The following NRG1 variants were observed in gnomAD, a reference collection of about 807,000 sequenced individuals.
The protein encoded by NRG1 is neuregulin 1, also known as pro-neuregulin-1, membrane-bound isoform.
NRG1 carries 18 observed loss-of-function variants against 63.8 expected under a neutral mutation model. The ratio of observed to expected loss-of-function variants is 0.28; its 90% CI spans 0.19 to 0.42. The LOEUF is 0.42. NRG1 is among the 10% of genes least tolerant of loss of function. The probability of loss-of-function intolerance (pLI) is 1.00; values close to 1 mark genes in which losing one functional copy is unlikely to be tolerated. For synonymous variants in NRG1, 302 were observed against 301.3 expected, an observed-to-expected ratio of 1.00 and a Z score of -0.02; for missense variants, 762 against 814.7, an observed-to-expected ratio of 0.94 and a Z score of 0.79.
intron 1 of NRG1, among the ~76,000 whole-genome samples, chr8:31,718,910 G>A (rs529507977): frequency 6.6e-6 from 1 of 152,222 alleles, no homozygotes; most frequent in South Asian, 2.1e-4. Context: ...TAATTGTTAT[G>A]GTAAAAGGTG....
At chr8:32,145,126 A>G (rs1207654363) in intron 1 of NRG1, among the ~76,000 whole-genome samples, 1 of 152,222 alleles carries the variant, frequency 6.6e-6, no homozygotes, top group Non-Finnish European at 1.5e-5. Flanking sequence ...GGGTTTAGAT[A>G]TAACCACATT....
At chr8:32,506,630 C>T (rs973761539) in intron 1 of NRG1, among the ~76,000 whole-genome samples, 3 of 152,074 alleles carry the variant, frequency 2.0e-5, no homozygotes, top group Non-Finnish European at 4.4e-5. Context: ...TTTTCTCCTG[C>T]CAATCTAAAT....
chr8:32,265,785 G>C (rs1215968827), intron 1 of NRG1, among the ~76,000 whole-genome samples: 2 of 152,108 alleles, frequency 1.3e-5, no homozygotes, highest in Non-Finnish European at 2.9e-5. Flanking sequence ...GGAGGCTATA[G>C]TGAGCCATGA....
At chr8:31,667,762 G>A (rs1806701214) in intron 1 of NRG1, among the ~76,000 whole-genome samples, 1 of 152,146 alleles carries the variant, frequency 6.6e-6, no homozygotes, top group African/African-American at 2.4e-5. Context: ...TTTCATCCAA[G>A]CTCTCATGTC....
intron 1 of NRG1, among the ~76,000 whole-genome samples, chr8:32,042,154 A>G (rs1223177232): frequency 6.6e-6 from 1 of 152,196 alleles, no homozygotes; most frequent in Non-Finnish European, 1.5e-5. Context: ...AATTAAAACA[A>G]GATTTAGAGA....
intron 1 of NRG1, among the ~76,000 whole-genome samples, chr8:31,981,117 A>G (rs1038156941): frequency 4.6e-5 from 7 of 152,032 alleles, no homozygotes; most frequent in Non-Finnish European, 8.8e-5. Flanking sequence ...GCTCAGAGAG[A>G]CATGAGTATG....
Position 32,044,913 on chromosome 8 carries a change from C to CAAAAA in NRG1, c.37+405496_37+405500dup. Among the ~76,000 whole-genome samples the CAAAAA allele has an allele frequency of 5.2e-3, 298 of 57,050 alleles. 2 individuals are homozygous for CAAAAA. Among genetic ancestry groups the CAAAAA allele is most frequent in the African/African-American group, 0.017 (241 of 14,438 alleles). 37.4% of individuals were successfully genotyped at this position (57,050 alleles called of 152,430 possible). The stretch of plus-strand genomic sequence containing the variant: ...CCTTAAGAACTTACATAAAGAAAAG[C>CAAAAA]AAAAAAAAAAAAAAAAAACACACAC... On this transcript the variant is annotated intron_variant, in intron 1 of 10. Transcript: ENST00000519301.
chr8:32,548,109 G>C (rs904194434), upstream of NRG1: 3 of 644,992 alleles, frequency 4.7e-6, no homozygotes, highest in Non-Finnish European at 5.8e-6. Context: ...CGGCCAGCGC[G>C]GGAGGAAAAG....
chr8:32,174,565 A>G (rs1318042721), intron 1 of NRG1, among the ~76,000 whole-genome samples: 1 of 152,210 alleles, frequency 6.6e-6, no homozygotes, highest in African/African-American at 2.4e-5. Context: ...TGAAAATATC[A>G]ACAAAATTGA....
intron 1 of NRG1, among the ~76,000 whole-genome samples, chr8:31,800,364 TACATGTCTAAATCTTGGG>T: frequency 6.6e-6 from 1 of 152,342 alleles, no homozygotes; most frequent in South Asian, 2.1e-4. Flanking sequence ...AAGCAGTCAT[TACATGTCTAAATCTTGGG>T]TATCTTTGGA....
chr8:32,482,796 G>C (rs962311558), intron 1 of NRG1, among the ~76,000 whole-genome samples: 3 of 152,322 alleles, frequency 2.0e-5, no homozygotes, highest in Admixed American at 2.0e-4. Flanking sequence ...TGGGGGAAGA[G>C]GGTGGGAACA....
At chr8:32,189,074 A>T (rs2132173689) in intron 1 of NRG1, among the ~76,000 whole-genome samples, 1 of 152,262 alleles carries the variant, frequency 6.6e-6, no homozygotes, top group Middle Eastern at 3.4e-3. Flanking sequence ...CCTGTGTCAA[A>T]CTTCTATCCT....
chr8:32,233,563 A>T (rs28477661), intron 1 of NRG1, among the ~76,000 whole-genome samples: 4,471 of 67,156 alleles, frequency 0.067, 152 homozygotes, highest in Middle Eastern at 0.078. Context: ...ATATATATAT[A>T]TTTTTTTTTT....
At chr8:32,322,497 G>A (rs1801526974) in intron 1 of NRG1, among the ~76,000 whole-genome samples, 2 of 151,896 alleles carry the variant, frequency 1.3e-5, no homozygotes, top group South Asian at 4.2e-4. Context: ...AATTTAAATA[G>A]TCACCATTTC....
At chr8:32,251,898 T>TAA (rs570481105) in intron 1 of NRG1, among the ~76,000 whole-genome samples, 899 of 77,462 alleles carry the variant, frequency 0.012, 9 homozygotes, top group African/African-American at 0.052. Flanking sequence ...GTTAGCTGCA[T>TAA]AATGTCATTT....
chr8:32,722,245 GTATA>G lies in NRG1; in HGVS notation c.503-5699_503-5696del, dbSNP rs3837156. Among the ~76,000 whole-genome samples, 168 of 152,264 alleles carry G rather than the reference GTATA, an allele frequency of 1.1e-3. 2 individuals are homozygous for G. The East Asian group carries it at 0.028, about 25-fold the overall frequency. Reference sequence around the variant, plus strand: ...CAGGATCTAATGATTGCTTTGTGAGGTATATATACACTGTATACTCATGCTAATT... The same window carrying G: ...CAGGATCTAATGATTGCTTTGTGAGGTATACACTGTATACTCATGCTAATT... On this transcript the variant is annotated intron_variant, in intron 5 of 11. Coordinates refer to ENST00000356819, the Ensembl canonical transcript of NRG1.
chr8:32,382,862 C>A (rs956512652), intron 1 of NRG1, among the ~76,000 whole-genome samples: 1 of 152,052 alleles, frequency 6.6e-6, no homozygotes, highest in African/African-American at 2.4e-5. Context: ...CCACTTCCCT[C>A]ATGAAACTTA....
chr8:32,510,610 G>A (rs942205954), intron 1 of NRG1, among the ~76,000 whole-genome samples: 13 of 152,116 alleles, frequency 8.5e-5, no homozygotes, highest in Admixed American at 8.5e-4. Flanking sequence ...AGGAAATGGG[G>A]AAGTGCAGGA....
intron 1 of NRG1, among the ~76,000 whole-genome samples, chr8:31,746,692 GAGGT>G (rs1815907560): frequency 6.6e-6 from 1 of 151,968 alleles, no homozygotes; most frequent in Non-Finnish European, 1.5e-5. Flanking sequence ...GTATATCAAA[GAGGT>G]ATCTACGCTC....
Sources: gnomAD v4.1 joint callset for allele counts (sites outside exome capture counted in the v4.1 genomes callset) on GRCh38, gnomAD v4.1.1 for gene constraint, MANE v1.5 for transcripts, NCBI Gene and HGNC (gene_info 2026-07-23, HGNC 2026-07-21) for gene names.